Variants in COL5A1 observed in about 807,000 individuals in gnomAD.
The protein encoded by COL5A1 is collagen alpha-1(V) chain.
A neutral mutation model predicts 263.7 loss-of-function variants in COL5A1; 16 were observed. The ratio of observed to expected loss-of-function variants is 0.06; its 90% CI spans 0.04 to 0.09. The LOEUF (loss-of-function observed/expected upper bound fraction) is 0.09, where lower values mean the gene tolerates loss of function less well. Among genes scored for constraint, COL5A1 ranks in the 10% least tolerant of loss-of-function variants. The pLI is 1.00. For missense variants in COL5A1, 2,036 were observed against 2,540.5 expected (o/e 0.80, Z 4.27); for synonymous variants, 1,012 against 1,004.5 (o/e 1.01, Z -0.14).
chr9:134,804,151 C>T (rs778137496), intron 39 of COL5A1, among the ~76,000 whole-genome samples: 9 of 152,192 alleles, frequency 5.9e-5, no homozygotes, highest in South Asian at 2.1e-4. Context: ...ATCACACACC[C>T]GGGTGTGCAT....
At chr9:134,834,556 A>G (rs1839774676) in intron 64 of COL5A1, among the ~76,000 whole-genome samples, 1 of 152,184 alleles carries the variant, frequency 6.6e-6, no homozygotes, top group Non-Finnish European at 1.5e-5. Flanking sequence ...GTAACGAGCA[A>G]GAAGGATGCC....
At chr9:134,811,892 C>T (rs1588577970) in intron 46 of COL5A1, among the ~76,000 whole-genome samples, 1 of 152,198 alleles carries the variant, frequency 6.6e-6, no homozygotes, top group South Asian at 2.1e-4. Context: ...GAGATGACAA[C>T]GATAAACATT....
chr9:134,766,426 A>G (rs1836669118), intron 21 of COL5A1, 28 bp from the exon 22 acceptor site: 3 of 1,612,920 alleles, frequency 1.9e-6, no homozygotes, highest in Non-Finnish European at 2.5e-6. Context: ...ATTCAGTTAC[A>G]TGTTTTTCTT....
At chr9:134,748,521 C>G (rs1453376659) in intron 11 of COL5A1, among the ~76,000 whole-genome samples, 2 of 152,232 alleles carry the variant, frequency 1.3e-5, no homozygotes, top group Admixed American at 1.3e-4. Context: ...GATTCCGACA[C>G]AGGAATCTCA....
chr9:134,728,808 G>T lies in COL5A1; in HGVS notation c.924+1G>T. 1 of 1,614,100 alleles carries T rather than the reference G, an allele frequency of 6.2e-7. No individual in the cohort carries two copies. Among genetic ancestry groups the T allele is most frequent in the Non-Finnish European group, 8.5e-7 (1 of 1,180,032 alleles). ...CAAAGAAACCACAGAGGTCCCCGAGGTCTGGGCTGAGCGGGGGACTGGGTT... is the reference window on the plus strand; with the variant it reads ...CAAAGAAACCACAGAGGTCCCCGAGTTCTGGGCTGAGCGGGGGACTGGGTT... On this transcript the variant is annotated splice_donor_variant, in intron 6 of 65. Coordinates refer to ENST00000371817, the MANE Select transcript of COL5A1 (RefSeq NM_000093.5). LOFTEE classifies it high-confidence loss of function.
chr9:134,733,003 G>A (rs987538564), intron 9 of COL5A1, among the ~76,000 whole-genome samples: 4 of 152,216 alleles, frequency 2.6e-5, no homozygotes, highest in Non-Finnish European at 5.9e-5. Context: ...GGAGAGCAGG[G>A]AGGAGCCAGC....
intron 11 of COL5A1, among the ~76,000 whole-genome samples, chr9:134,740,695 C>T (rs375817283): frequency 6.6e-6 from 1 of 151,888 alleles, no homozygotes; most frequent in Non-Finnish European, 1.5e-5. Flanking sequence ...TGCTGGTTCA[C>T]ACCTCACCAT....
chr9:134,786,177 C>A, intron 31 of COL5A1, 129 bp downstream of exon 31: 3 of 895,202 alleles, frequency 3.4e-6, no homozygotes, highest in Non-Finnish European at 5.4e-6. Context: ...TAACTTCTGG[C>A]CATGTTACGT....
At position 134,815,949 on chromosome 9, in the gene COL5A1, C is replaced by G. The variant is rs868648962; in HGVS notation, c.4083C>G (p.Pro1361=). The change falls in exon 52 of 66, where the codon CCC becomes CCG. Residue 1361 remains proline, a synonymous_variant. Coordinates refer to ENST00000371817, the MANE Select transcript of COL5A1 (RefSeq NM_000093.5). ...GEPGPAGQDG[P]PGDKGDDGEP... is the part of the protein sequence containing the mutation. Reference sequence around the variant, plus strand: ...TGCCTCCATAGGGTCAAGATGGTCCCCCTGGTGACAAAGGAGATGATGGTG... The same window carrying G: ...TGCCTCCATAGGGTCAAGATGGTCCGCCTGGTGACAAAGGAGATGATGGTG... 3.1e-6 allele frequency: 5 copies of G among 1,613,964 alleles called. No homozygotes were observed. Among genetic ancestry groups the G allele is most frequent in the Admixed American group, 1.7e-5 (1 of 59,996 alleles).
chr9:134,828,820 C>T (rs916730366), intron 63 of COL5A1, among the ~76,000 whole-genome samples: 1 of 151,172 alleles, frequency 6.6e-6, no homozygotes, highest in African/African-American at 2.4e-5. Context: ...ACCACACACA[C>T]ACACCACACA....
chr9:134,677,561 C>T lies in COL5A1; in HGVS notation c.110-13351C>T, dbSNP rs1013902898. On this transcript the variant is annotated intron_variant, in intron 1 of 65. Transcript: ENST00000371817. This position sits in a 1 kb window ranked among gnomAD's most constrained non-coding sequence, Gnocchi z 4.4. ...ATGATAGGAGGGTGAGGTTTATCAG[C>T]GGGATCTTCGGGGTGATGACATTCC... is the stretch of plus-strand genomic sequence containing the variant. Among the ~76,000 whole-genome samples, 4 of 152,262 alleles carry T rather than the reference C, an allele frequency of 2.6e-5. No individual in the cohort carries two copies. The highest frequency in any genetic ancestry group is 6.5e-5 in the Admixed American group (1 of 15,298).
intron 11 of COL5A1, among the ~76,000 whole-genome samples, chr9:134,744,636 C>T (rs538177475): frequency 6.6e-6 from 1 of 152,170 alleles, no homozygotes; most frequent in South Asian, 2.1e-4. Flanking sequence ...CACACACTCA[C>T]CCAGACATGC....
intron 44 of COL5A1, 102 bp from the exon 45 acceptor site, chr9:134,811,237 C>A: frequency 1.0e-6 from 1 of 1,000,378 alleles, no homozygotes; most frequent in Non-Finnish European, 1.6e-6. Flanking sequence ...GAACTGACGA[C>A]GTTGGATGCA....
chr9:134,645,855 G>A (rs1432254071), intron 1 of COL5A1, among the ~76,000 whole-genome samples: 1 of 152,206 alleles, frequency 6.6e-6, no homozygotes, highest in Non-Finnish European at 1.5e-5. Context: ...GTCCTGGCCT[G>A]GGGGCCCAGT....
At chr9:134,819,660 G>A (rs1052108594) in intron 57 of COL5A1, among the ~76,000 whole-genome samples, 2 of 152,202 alleles carry the variant, frequency 1.3e-5, no homozygotes, top group African/African-American at 4.8e-5. Flanking sequence ...CATAGACAGC[G>A]AGTGTCATGG....
At position 134,822,720 on chromosome 9, in the gene COL5A1, G is replaced by C. The variant is rs35328624; in HGVS notation, c.4609-278G>C. Among the ~76,000 whole-genome samples, 80,117 of 140,816 alleles carry C rather than the reference G, an allele frequency of 0.57. 22,500 individuals are homozygous for C. The highest frequency in any genetic ancestry group is 0.71 in the East Asian group (3,346 of 4,744). 92.4% of individuals were successfully genotyped at this position (140,816 alleles called of 152,430 possible). On this transcript the variant is annotated intron_variant, in intron 59 of 65. Transcript: ENST00000371817. ...GCCAGGACATGCTCTTTTCCGCTGC[G>C]CCCCCCCCGCGGCTGTCTGAGCTGG...
chr9:134,676,603 G>A (rs948571712), intron 1 of COL5A1, among the ~76,000 whole-genome samples: 29 of 77,538 alleles, frequency 3.7e-4, no homozygotes, highest in African/African-American at 2.0e-3. Flanking sequence ...TGCTGCTCCC[G>A]AAAGGCTCCT....
Position 134,716,452 on chromosome 9 carries a change from G to A in COL5A1, c.655-10814G>A, listed in dbSNP as rs986304997. Among the ~76,000 whole-genome samples the A allele has an allele frequency of 2.6e-5, 4 of 152,100 alleles. No individual in the cohort carries two copies. Among genetic ancestry groups the A allele is most frequent in the Non-Finnish European group, 4.4e-5 (3 of 68,028 alleles). ...ACAGTGTCTGCAGGCCCGCTGCTCC[G>A]AAAGTCAAGATGTGGAGAAGGAGCA... On this transcript the variant is annotated intron_variant, in intron 4 of 65. Transcript: ENST00000371817. The surrounding 1 kb of genome is among the most constrained non-coding windows in gnomAD (Gnocchi z 4.5).
intron 4 of COL5A1, among the ~76,000 whole-genome samples, chr9:134,701,785 A>C (rs552538391): frequency 3.2e-4 from 48 of 152,162 alleles, no homozygotes; most frequent in Non-Finnish European, 6.3e-4. Flanking sequence ...TGCCGACCCA[A>C]CTCGGGCTGG....
Sources: allele counts gnomAD v4.1 joint callset (sites outside exome capture counted in the v4.1 genomes callset), GRCh38; gene constraint gnomAD v4.1.1; non-coding constraint Gnocchi (gnomAD v3.1); transcripts MANE v1.5; gene names NCBI Gene and HGNC (gene_info 2026-07-23, HGNC 2026-07-21).